SLC31A1: variants seen among roughly 807,000 people sequenced by gnomAD.
SLC31A1 encodes solute carrier family 31 member 1.
SLC31A1 carries 5 observed loss-of-function variants against 17.2 expected under a neutral mutation model. The ratio of observed to expected loss-of-function variants is 0.29; its 90% CI spans 0.15 to 0.61. The LOEUF (loss-of-function observed/expected upper bound fraction) is 0.61, where lower values mean the gene tolerates loss of function less well. SLC31A1 is among the 20% of genes least tolerant of loss of function. The probability of loss-of-function intolerance (pLI) is 0.86; values close to 1 mark genes in which losing one functional copy is unlikely to be tolerated. For missense variants in SLC31A1, 161 were observed against 241.4 expected, an observed-to-expected ratio of 0.67 and a Z score of 2.21; for synonymous variants, 76 against 78.8, an observed-to-expected ratio of 0.96 and a Z score of 0.19.
At chr9:113,241,567 A>T (rs77461242) in intron 1 of SLC31A1, among the ~76,000 whole-genome samples, 8 of 152,186 alleles carry the variant, frequency 5.3e-5, no homozygotes, top group Non-Finnish European at 1.2e-4. Flanking sequence ...GGTCCTTCCA[A>T]TTCTTAGTGG....
intron 1 of SLC31A1, among the ~76,000 whole-genome samples, chr9:113,252,756 A>G (rs996718372): frequency 6.6e-6 from 1 of 152,114 alleles, no homozygotes. Context: ...ACTCTTGCAA[A>G]TATTCATTCC....
intron 1 of SLC31A1, among the ~76,000 whole-genome samples, chr9:113,252,396 A>G (rs1336287692): frequency 6.6e-6 from 1 of 151,938 alleles, no homozygotes; most frequent in Non-Finnish European, 1.5e-5. Context: ...CCCGGGTTCA[A>G]GCGATTCTCC....
intron 1 of SLC31A1, among the ~76,000 whole-genome samples, chr9:113,244,927 C>CT (rs1426685087): frequency 3.1e-4 from 47 of 152,032 alleles, no homozygotes; most frequent in Non-Finnish European, 4.4e-5. Context: ...TTTTACATTT[C>CT]TTTTTTTTCT....
chr9:113,221,676 A>C lies in SLC31A1; in HGVS notation c.-38A>C, dbSNP rs1452745271. On this transcript the variant is annotated splice_region_variant and 5_prime_UTR_variant, in exon 1 of 5. Coordinates refer to ENST00000374212, the MANE Select transcript of SLC31A1 (RefSeq NM_001859.4). ...TGCTAGTGGCTGGACTTGACCTGGA[A>C]AGGTAAGGCTTCTCTCGGCCCCTCT... is the stretch of plus-strand genomic sequence containing the variant. 2 of 302,220 alleles carry C rather than the reference A, an allele frequency of 6.6e-6. No individual in the cohort carries two copies. Among genetic ancestry groups the C allele is most frequent in the East Asian group, 9.5e-5 (1 of 10,580 alleles). 18.7% of individuals were successfully genotyped at this position (302,220 alleles called of 1,614,324 possible). A position where few individuals can be genotyped will look rare whatever the true frequency, so the allele number is the denominator to read the frequency against.
intron 2 of SLC31A1, 187 bp downstream of exon 2, chr9:113,256,464 C>A: frequency 3.5e-6 from 2 of 576,426 alleles, no homozygotes; most frequent in South Asian, 2.7e-5. Flanking sequence ...CAGAGTCACA[C>A]CAGAACCAAG....
In SLC31A1 at chr9:113,260,593, A is replaced by ACC. The variant is rs1285907890; in HGVS notation, c.*121_*122insCC. ...TCTTTGTGCACGTACACACACACACACACACACACACACACACACCCCTGC... is the reference window on the plus strand; with the variant it reads ...TCTTTGTGCACGTACACACACACACACCCACACACACACACACACACCCCTGC... On this transcript the variant is annotated 3_prime_UTR_variant, in exon 5 of 5. Coordinates refer to ENST00000374212, the MANE Select transcript of SLC31A1 (RefSeq NM_001859.4). 1 of 733,528 alleles carries ACC rather than the reference A, an allele frequency of 1.4e-6. No individual in the cohort carries two copies. The highest frequency in any genetic ancestry group is 1.7e-5 in the African/African-American group (1 of 57,570). 45.4% of individuals were successfully genotyped at this position (733,528 alleles called of 1,614,324 possible).
chr9:113,260,872 T>C lies in SLC31A1; in HGVS notation c.*399T>C, dbSNP rs1831785793. ...AAATTTGGTGGTTTTTTCCCCTGGGTCAGTGATGGAAAGGGGTTAACTTCA... is the reference window on the plus strand; with the variant it reads ...AAATTTGGTGGTTTTTTCCCCTGGGCCAGTGATGGAAAGGGGTTAACTTCA... On this transcript the variant is annotated 3_prime_UTR_variant, in exon 5 of 5. Coordinates refer to ENST00000374212, the MANE Select transcript of SLC31A1 (RefSeq NM_001859.4). 3.2e-6 allele frequency: 1 copy of C among 317,126 alleles called. No individual in the cohort carries two copies. The highest frequency in any genetic ancestry group is 2.2e-5 in the African/African-American group (1 of 46,074). The allele number at this position is 317,126 out of a possible 1,614,324, so 19.6% of individuals were successfully genotyped here.
intron 1 of SLC31A1, among the ~76,000 whole-genome samples, chr9:113,241,822 A>G (rs1428075135): frequency 6.6e-6 from 1 of 152,258 alleles, no homozygotes; most frequent in Non-Finnish European, 1.5e-5. Context: ...CCATTTCTCA[A>G]TACCATTCTA....
intron 1 of SLC31A1, among the ~76,000 whole-genome samples, chr9:113,255,351 A>T (rs1452249642): frequency 6.6e-6 from 1 of 152,206 alleles, no homozygotes; most frequent in Non-Finnish European, 1.5e-5. Context: ...GTTTCCTGCA[A>T]CCCAAAGAAG....
At chr9:113,242,646 C>T (rs951805620) in intron 1 of SLC31A1, among the ~76,000 whole-genome samples, 16 of 152,186 alleles carry the variant, frequency 1.1e-4, no homozygotes, top group Non-Finnish European at 1.8e-4. Flanking sequence ...CTCATGTAAT[C>T]CTCCCACCTC....
chr9:113,249,361 T>G (rs1420834441), intron 1 of SLC31A1, among the ~76,000 whole-genome samples: 1 of 151,668 alleles, frequency 6.6e-6, no homozygotes, highest in Non-Finnish European at 1.5e-5. Flanking sequence ...TCTTTGTTTT[T>G]TTTTTATTTT....
intron 1 of SLC31A1, among the ~76,000 whole-genome samples, chr9:113,238,123 T>C (rs527758578): frequency 6.6e-6 from 1 of 152,334 alleles, no homozygotes; most frequent in Non-Finnish European, 1.5e-5. Flanking sequence ...ATCTCCATGT[T>C]TCCATGAGTT....
intron 1 of SLC31A1, among the ~76,000 whole-genome samples, chr9:113,253,327 C>G (rs989995737): frequency 6.6e-6 from 1 of 152,130 alleles, no homozygotes. Flanking sequence ...CCAGTGATCT[C>G]TCCATCCTAC....
intron 1 of SLC31A1, among the ~76,000 whole-genome samples, chr9:113,235,209 A>G (rs908668842): frequency 1.2e-4 from 19 of 152,334 alleles, no homozygotes; most frequent in Admixed American, 1.1e-3. Flanking sequence ...AGGATATCCA[A>G]AAGCCAATAC....
intron 1 of SLC31A1, among the ~76,000 whole-genome samples, chr9:113,244,841 C>T (rs936839957): frequency 3.3e-5 from 5 of 152,314 alleles, no homozygotes; most frequent in Admixed American, 6.5e-5. Flanking sequence ...TAGCAAGTGC[C>T]GTGTGGACTG....
At chr9:113,245,824 G>A (rs1205817428) in intron 1 of SLC31A1, among the ~76,000 whole-genome samples, 1 of 151,710 alleles carries the variant, frequency 6.6e-6, no homozygotes, top group East Asian at 1.9e-4. Flanking sequence ...AGTAGAGATG[G>A]GGTTTCCTCA....
Position 113,264,314 on chromosome 9 carries a change from CAA to C in SLC31A1, c.*3854_*3855del, listed in dbSNP as rs1034760396. The C allele has an allele frequency of 2.1e-4, 24 of 112,504 alleles. No homozygotes were observed. Among genetic ancestry groups the C allele is most frequent in the Middle Eastern group, 4.9e-3 (1 of 204 alleles). 7.0% of individuals were successfully genotyped at this position (112,504 alleles called of 1,614,324 possible). A position where few individuals can be genotyped will look rare whatever the true frequency, so the allele number is the denominator to read the frequency against. On this transcript the variant is annotated 3_prime_UTR_variant, in exon 5 of 5. Transcript: ENST00000374212. Reference sequence around the variant, plus strand: ...GGGCGACAAGAGCAAAACTCCGTCTCAAAAAAAAAAAAAAGATACAAAGTCTG... The same window carrying C: ...GGGCGACAAGAGCAAAACTCCGTCTCAAAAAAAAAAAAGATACAAAGTCTG...
At chr9:113,249,382 T>TTTTTTTTTTTTTTTG (rs1831621164) in intron 1 of SLC31A1, among the ~76,000 whole-genome samples, 1 of 151,970 alleles carries the variant, frequency 6.6e-6, no homozygotes, top group Non-Finnish European at 1.5e-5. Flanking sequence ...TTTATTTTTT[T>TTTTTTTTTTTTTTTG]TGAGATGGAG....
rs2118527447 is a variant in SLC31A1 at position 113,263,687 on chromosome 9, T to G, written c.*3214T>G. On this transcript the variant is annotated 3_prime_UTR_variant, in exon 5 of 5. Transcript: ENST00000374212. ...ACCTGTTAAGAGACTTTAAGCATGCTTCAAGAGGCAGTTGACCCACTGGAA... is the reference window on the plus strand; with the variant it reads ...ACCTGTTAAGAGACTTTAAGCATGCGTCAAGAGGCAGTTGACCCACTGGAA... The G allele has an allele frequency of 6.5e-6, 1 of 152,784 alleles. No homozygotes were observed. The highest frequency in any genetic ancestry group is 3.4e-3 in the Middle Eastern group (1 of 294). 9.5% of individuals were successfully genotyped at this position (152,784 alleles called of 1,614,324 possible).
Sources: allele counts gnomAD v4.1 joint callset (sites outside exome capture counted in the v4.1 genomes callset), GRCh38; gene constraint gnomAD v4.1.1; transcripts MANE v1.5; gene names NCBI Gene and HGNC (gene_info 2026-07-23, HGNC 2026-07-21).